CATSPERB: variants seen among roughly 807,000 people sequenced by gnomAD.
The protein encoded by CATSPERB is catsper channel auxiliary subunit beta.
Under a neutral mutation model 128.3 loss-of-function variants are expected in CATSPERB, and 93 were observed. The observed-to-expected ratio is 0.72, with a 90% confidence interval of 0.61 to 0.86. The LOEUF (loss-of-function observed/expected upper bound fraction) is 0.86, where lower values mean the gene tolerates loss of function less well. Among genes scored for constraint, CATSPERB ranks in the 40% least tolerant of loss-of-function variants. CATSPERB has a pLI of 0.00. For synonymous variants in CATSPERB, 381 were observed against 448.8 expected (o/e 0.85, Z 1.91); for missense variants, 1,153 against 1,329.5 (o/e 0.87, Z 2.06).
chr14:91,665,606 A>G (rs1349175853), intron 14 of CATSPERB, among the ~76,000 whole-genome samples: 1 of 152,146 alleles, frequency 6.6e-6, no homozygotes, highest in African/African-American at 2.4e-5. Context: ...GTGGTGGCTT[A>G]TGCCTATAAT....
At chr14:91,649,329 ATATGTGTGTG>A (rs754003183) in intron 15 of CATSPERB, among the ~76,000 whole-genome samples, 3 of 42,382 alleles carry the variant, frequency 7.1e-5, no homozygotes, top group African/African-American at 2.1e-4. Context: ...ATGTATACAT[ATATGTGTGTG>A]TGTGTGTGTG....
intron 10 of CATSPERB, among the ~76,000 whole-genome samples, chr14:91,690,119 A>G (rs987453909): frequency 3.9e-5 from 6 of 152,084 alleles, no homozygotes; most frequent in Non-Finnish European, 1.5e-5. Context: ...CAGCCTCCCG[A>G]GTAGCTGGGA....
intron 22 of CATSPERB, chr14:91,604,652 G>A (rs1413014820): frequency 1.2e-6 from 2 of 1,612,244 alleles, no homozygotes; most frequent in Admixed American, 3.3e-5. Context: ...CCAGGTCTGA[G>A]TGTTCCAGGA....
At chr14:91,599,086 G>C (rs1156464551) in intron 22 of CATSPERB, among the ~76,000 whole-genome samples, 1 of 152,080 alleles carries the variant, frequency 6.6e-6, no homozygotes, top group Non-Finnish European at 1.5e-5. Context: ...ATTCATTGGA[G>C]GGGTGCTCTC....
At chr14:91,652,257 C>A (rs983017100) in intron 15 of CATSPERB, among the ~76,000 whole-genome samples, 1 of 151,974 alleles carries the variant, frequency 6.6e-6, no homozygotes, top group African/African-American at 2.4e-5. Context: ...TAACTCAAAT[C>A]AAAACTTCAT....
chr14:91,705,565 T>C (rs1238253965), intron 6 of CATSPERB, among the ~76,000 whole-genome samples: 1 of 152,260 alleles, frequency 6.6e-6, no homozygotes, highest in Non-Finnish European at 1.5e-5. Context: ...GACGTCCTCT[T>C]GGTTCCTCAG....
chr14:91,632,529 A>G (rs574102010), intron 17 of CATSPERB, among the ~76,000 whole-genome samples: 20 of 152,332 alleles, frequency 1.3e-4, no homozygotes, highest in African/African-American at 4.3e-4. Flanking sequence ...TAACAATTCT[A>G]AACTTATATG....
intron 10 of CATSPERB, among the ~76,000 whole-genome samples, chr14:91,684,857 T>A (rs1895346302): frequency 6.6e-6 from 1 of 151,984 alleles, no homozygotes; most frequent in Non-Finnish European, 1.5e-5. Context: ...CCTCAAGTGA[T>A]CCACCCCCCT....
At chr14:91,646,525 C>G (rs1454570355) in intron 15 of CATSPERB, among the ~76,000 whole-genome samples, 2 of 152,238 alleles carry the variant, frequency 1.3e-5, no homozygotes, top group Non-Finnish European at 2.9e-5. Flanking sequence ...CAACCTCTCT[C>G]TCAGTAAGAG....
intron 1 of CATSPERB, 103 bp downstream of exon 1, chr14:91,731,827 C>T (rs956840725): frequency 2.0e-5 from 3 of 152,322 alleles, no homozygotes; most frequent in African/African-American, 7.2e-5. Context: ...TTTCCTCCCC[C>T]AGTTGGTTCA....
At chr14:91,627,711 C>G (rs1894193801) in intron 17 of CATSPERB, among the ~76,000 whole-genome samples, 1 of 152,096 alleles carries the variant, frequency 6.6e-6, no homozygotes, top group South Asian at 2.1e-4. Flanking sequence ...GCCTGTAATC[C>G]CAGCTACTCT....
At position 91,672,983 on chromosome 14, in the gene CATSPERB, G is replaced by T. The variant is rs754792783; in HGVS notation, c.1012C>A (p.Leu338Ile). The T allele has an allele frequency of 2.5e-6, 4 of 1,585,988 alleles. No homozygotes were observed. The highest frequency in any genetic ancestry group is 4.0e-5 in the Admixed American group (2 of 50,122). ...TGAGGTAAGCAGGGTACCCATTCAA[G>T]AAATGGTTCCTGACTATAAAAACAA... ...SSCFYSQEPF[L>I]EWVPCLPHIF... Residue 338 changes from leucine to isoleucine, a missense_variant, in exon 13 of 27, where the codon CTT (leucine) becomes ATT (isoleucine). By Grantham distance (5) the Leu-to-Ile change is conservative (BLOSUM62 2). Coordinates refer to ENST00000256343, the MANE Select transcript of CATSPERB (RefSeq NM_024764.4).
intron 17 of CATSPERB, among the ~76,000 whole-genome samples, chr14:91,630,896 T>G (rs926145647): frequency 1.7e-4 from 26 of 152,224 alleles, no homozygotes. Context: ...CTAGCTGACC[T>G]CCTTGCTGGC....
chr14:91,629,152 G>A (rs574837739), intron 17 of CATSPERB, among the ~76,000 whole-genome samples: 13 of 152,230 alleles, frequency 8.5e-5, no homozygotes, highest in South Asian at 4.1e-4. Context: ...AATAAACTGC[G>A]GGATACTCAG....
At chr14:91,590,061 CAG>C (rs1312727864) in intron 23 of CATSPERB, among the ~76,000 whole-genome samples, 1 of 152,190 alleles carries the variant, frequency 6.6e-6, no homozygotes, top group Non-Finnish European at 1.5e-5. Context: ...AACTCAAAGC[CAG>C]CCCCAATGCA....
chr14:91,686,829 T>C (rs1169114018), intron 10 of CATSPERB, among the ~76,000 whole-genome samples: 3 of 152,292 alleles, frequency 2.0e-5, no homozygotes, highest in East Asian at 1.9e-4. Flanking sequence ...TTGTTTGTAA[T>C]AGCAAAATAT....
chr14:91,688,058 T>C (rs149084119), intron 10 of CATSPERB, among the ~76,000 whole-genome samples: 283 of 152,268 alleles, frequency 1.9e-3, no homozygotes, highest in Middle Eastern at 6.8e-3. Flanking sequence ...AGCCAAGCAT[T>C]TCTTATCACT....
chr14:91,582,802 C>T (rs1041020337), intron 26 of CATSPERB, among the ~76,000 whole-genome samples: 13 of 152,200 alleles, frequency 8.5e-5, no homozygotes, highest in Non-Finnish European at 1.5e-4. Context: ...AGAGCTGTTC[C>T]ATCACTCAGT....
At chr14:91,620,395 A>C (rs982897436) in intron 19 of CATSPERB, among the ~76,000 whole-genome samples, 2 of 152,084 alleles carry the variant, frequency 1.3e-5, no homozygotes, top group African/African-American at 4.8e-5. Context: ...CACATCCTCC[A>C]GGGAGTCATA....
Sources: gnomAD v4.1 joint callset for allele counts (sites outside exome capture counted in the v4.1 genomes callset) on GRCh38, gnomAD v4.1.1 for gene constraint, MANE v1.5 for transcripts, NCBI Gene and HGNC (gene_info 2026-07-23, HGNC 2026-07-21) for gene names.